The following CDR2L variants were observed in gnomAD, a reference collection of about 807,000 sequenced individuals.
CDR2L encodes the protein cerebellar degeneration-related protein 2-like.
In CDR2L, 19 loss-of-function variants were observed where a neutral mutation model predicts 36.1. The ratio of observed to expected loss-of-function variants is 0.53; its 90% CI spans 0.37 to 0.77. The LOEUF (loss-of-function observed/expected upper bound fraction) is 0.77, where lower values mean the gene tolerates loss of function less well. CDR2L is among the 30% of genes least tolerant of loss of function. The probability of loss-of-function intolerance (pLI) is 0.00; values close to 1 mark genes in which losing one functional copy is unlikely to be tolerated. For missense variants in CDR2L, 575 were observed against 627.2 expected, an observed-to-expected ratio of 0.92 and a Z score of 0.89; for synonymous variants, 285 against 280.4, an observed-to-expected ratio of 1.02 and a Z score of -0.16.
intron 1 of CDR2L, among the ~76,000 whole-genome samples, chr17:74,996,257 A>G (rs573924886): frequency 3.3e-5 from 5 of 152,162 alleles, no homozygotes; most frequent in Non-Finnish European, 7.4e-5. Flanking sequence ...CAGCCTGACC[A>G]ACATGGTGAA....
chr17:75,000,181 T>A (rs978705111), intron 2 of CDR2L, among the ~76,000 whole-genome samples: 6 of 152,022 alleles, frequency 3.9e-5, no homozygotes, highest in African/African-American at 1.2e-4. Context: ...GAGGATGAAG[T>A]GAGAGGATTG....
chr17:75,003,711 G>A lies in CDR2L; in HGVS notation c.1035G>A (p.Val345=). 1 of 1,465,380 alleles carries A rather than the reference G, an allele frequency of 6.8e-7. No individual in the cohort carries two copies. 90.8% of individuals were successfully genotyped at this position (1,465,380 alleles called of 1,614,324 possible). ...ACCTCACACTGCACGCCAACAGCGTGCGCAAGCGGGGCATGTCCATCCTGC... is the reference window on the plus strand; with the variant it reads ...ACCTCACACTGCACGCCAACAGCGTACGCAAGCGGGGCATGTCCATCCTGC... ...AGNLTLHANS[V]RKRGMSILRE... is the part of the protein sequence containing the mutation. Residue 345 remains valine (V), a synonymous_variant, in exon 5 of 5, where the codon GTG becomes GTA. Transcript: ENST00000337231.
At chr17:74,995,327 T>C (rs2144859728) in intron 1 of CDR2L, among the ~76,000 whole-genome samples, 1 of 151,100 alleles carries the variant, frequency 6.6e-6, no homozygotes, top group Non-Finnish European at 1.5e-5. Context: ...CACACCCCAC[T>C]AATGTTCTTA....
At chr17:75,001,749 A>G (rs751532697) in intron 3 of CDR2L, among the ~76,000 whole-genome samples, 2 of 152,210 alleles carry the variant, frequency 1.3e-5, no homozygotes, top group African/African-American at 4.8e-5. Context: ...CTGCCCTCTA[A>G]TACCTCACAG....
At position 75,002,894 on chromosome 17, in the gene CDR2L, C is replaced by T. The variant is rs1268971072; in HGVS notation, c.507-289C>T. On this transcript the variant is annotated intron_variant, in intron 4 of 4. Coordinates refer to ENST00000337231, the MANE Select transcript of CDR2L (RefSeq NM_014603.3). The surrounding 1 kb of genome is among the most constrained non-coding windows in gnomAD (Gnocchi z 4.1). Reference sequence around the variant, plus strand: ...GAGAGCCCAAAGAAGACACACCCCACGGCCTCTGCTCCCCCCTCGGACCTC... The same window carrying T: ...GAGAGCCCAAAGAAGACACACCCCATGGCCTCTGCTCCCCCCTCGGACCTC... 2.0e-5 allele frequency among the ~76,000 whole-genome samples: 3 copies of T among 152,162 alleles called. No individual in the cohort carries two copies. The East Asian group carries it at 5.8e-4, about 29-fold the overall frequency.
intron 1 of CDR2L, 57 bp downstream of exon 1, chr17:74,988,179 G>C (rs1159750524): frequency 7.8e-7 from 1 of 1,282,854 alleles, no homozygotes; most frequent in Non-Finnish European, 1.1e-6. Context: ...ACCCCTGTCC[G>C]CTTCTCCATT....
At position 75,002,262 on chromosome 17, in the gene CDR2L, T is replaced by G. The variant is rs2039872028; in HGVS notation, c.506+34T>G. 6.3e-7 allele frequency: 1 copy of G among 1,579,976 alleles called. No individual in the cohort carries two copies. Among genetic ancestry groups the G allele is most frequent in the Admixed American group, 1.8e-5 (1 of 55,352 alleles). On this transcript the variant is annotated intron_variant, in intron 4 of 4. Coordinates refer to ENST00000337231, the MANE Select transcript of CDR2L (RefSeq NM_014603.3). The surrounding 1 kb of genome is among the most constrained non-coding windows in gnomAD (Gnocchi z 4.1). ...GAGCACTGCTTGGTGTCTCTGGGAT[T>G]GCCAGCCATGGGAGGAAGGAGAGGC...
At chr17:74,998,094 G>A (rs983811273) in intron 1 of CDR2L, among the ~76,000 whole-genome samples, 1 of 152,002 alleles carries the variant, frequency 6.6e-6, no homozygotes, top group African/African-American at 2.4e-5. Context: ...GGTGGCGGGC[G>A]CCTGTAGTCT....
At position 75,003,165 on chromosome 17, in the gene CDR2L, ACT is replaced by A. The variant is rs1457112653; in HGVS notation, c.507-14_507-13del. The A allele has an allele frequency of 1.3e-6, 2 of 1,553,668 alleles. No individual in the cohort carries two copies. Among genetic ancestry groups the A allele is most frequent in the African/African-American group, 2.7e-5 (2 of 72,910 alleles). ...TCTCCTCCGCCCCCACCCCGCTGCG[ACT>A]CTCACTACCCGCCAGGTGCAAGGAT... On this transcript the variant is annotated splice_polypyrimidine_tract_variant and intron_variant, in intron 4 of 4. Transcript: ENST00000337231.
chr17:75,002,178 GC>G lies in CDR2L; in HGVS notation c.457del (p.Arg153ValfsTer54), dbSNP rs1262280325. On this transcript the variant is annotated frameshift_variant, in exon 4 of 5. Coordinates refer to ENST00000337231, the MANE Select transcript of CDR2L (RefSeq NM_014603.3). LOFTEE classifies it high-confidence loss of function. The surrounding 1 kb of genome is among the most constrained non-coding windows in gnomAD (Gnocchi z 4.1). Reference sequence around the variant, plus strand: ...TGCTCCGGGAGAAGCGGGAACGCAGGCGTACCATCCACACCTTCCCCTGCCT... The same window carrying G: ...TGCTCCGGGAGAAGCGGGAACGCAGGGTACCATCCACACCTTCCCCTGCCT... ...RVLREKRERRRTIHTFPCLKE... is the reference protein window; with the variant it reads ...RVLREKRERRXTIHTFPCLKE... The G allele has an allele frequency of 4.4e-6, 7 of 1,609,020 alleles. No homozygotes were observed. The highest frequency in any genetic ancestry group is 5.9e-6 in the Non-Finnish European group (7 of 1,178,068).
Position 74,988,010 on chromosome 17 carries a change from G to T in CDR2L, c.-34G>T. On this transcript the variant is annotated 5_prime_UTR_variant, in exon 1 of 5. Transcript: ENST00000337231. ...GCCGCGCGCACCGGCCCTGAGCTGC[G>T]CCGCCGCAGCACCCGCCCGCCGCCC... 1.4e-6 allele frequency: 2 copies of T among 1,452,280 alleles called. No individual in the cohort carries two copies. Among genetic ancestry groups the T allele is most frequent in the Non-Finnish European group, 1.8e-6 (2 of 1,087,204 alleles). The allele number at this position is 1,452,280 out of a possible 1,614,324, so 90.0% of individuals were successfully genotyped here. A position where few individuals can be genotyped will look rare whatever the true frequency, so the allele number is the denominator to read the frequency against.
chr17:74,991,816 G>T (rs1030549391), intron 1 of CDR2L, among the ~76,000 whole-genome samples: 1 of 152,222 alleles, frequency 6.6e-6, no homozygotes, highest in African/African-American at 2.4e-5. Flanking sequence ...GGCGTGGCAG[G>T]CCCTGTGCGT....
At chr17:74,998,040 G>C (rs2039841634) in intron 1 of CDR2L, among the ~76,000 whole-genome samples, 1 of 151,844 alleles carries the variant, frequency 6.6e-6, no homozygotes, top group African/African-American at 2.4e-5. Context: ...CTAACACGGT[G>C]AAACCCCGTC....
chr17:75,003,544 C>T lies in CDR2L; in HGVS notation c.868C>T (p.Pro290Ser). ...GGCCCCTGAGGCCGACGATCCCCAG[C>T]CCGGCCGCGGGGACGACTTGGGCGC... Reference protein sequence around the residue: ...TQAPEADDPQPGRGDDLGAQD... With the variant: ...TQAPEADDPQSGRGDDLGAQD... Residue 290 changes from proline (P) to serine (S), a missense_variant, in exon 5 of 5, where the codon CCC becomes TCC. Pro to Ser is a moderately conservative substitution (Grantham distance 74). Coordinates refer to ENST00000337231, the MANE Select transcript of CDR2L (RefSeq NM_014603.3). The T allele has an allele frequency of 8.6e-6, 13 of 1,512,370 alleles. No individual in the cohort carries two copies. The highest frequency in any genetic ancestry group is 1.1e-5 in the Non-Finnish European group (12 of 1,128,402). 93.7% of individuals were successfully genotyped at this position (1,512,370 alleles called of 1,614,324 possible).
rs1238750944 is a variant in CDR2L at position 74,987,786 on chromosome 17, C to T, written c.-258C>T. 1.9e-5 allele frequency: 4 copies of T among 211,496 alleles called. No homozygotes were observed. The highest frequency in any genetic ancestry group is 3.7e-5 in the Non-Finnish European group (4 of 107,488). 13.1% of individuals were successfully genotyped at this position (211,496 alleles called of 1,614,324 possible). On this transcript the variant is annotated 5_prime_UTR_variant, in exon 1 of 5. Transcript: ENST00000337231. ...TCCTTGCCACTGTCCCACCCGCCGT[C>T]CCTGCCACTCCACCCTTTGTGTCGC... is the stretch of plus-strand genomic sequence containing the variant.
rs2039773948 is a variant in CDR2L, at chr17:74,988,022, C to CCCGCCCG, written c.-13_-7dup. 1 of 1,501,176 alleles carries CCCGCCCG rather than the reference C, an allele frequency of 6.7e-7. No homozygotes were observed. Among genetic ancestry groups the CCCGCCCG allele is most frequent in the African/African-American group, 1.5e-5 (1 of 68,600 alleles). The allele number at this position is 1,501,176 out of a possible 1,614,324, so 93.0% of individuals were successfully genotyped here. On this transcript the variant is annotated 5_prime_UTR_variant, in exon 1 of 5. Coordinates refer to ENST00000337231, the MANE Select transcript of CDR2L (RefSeq NM_014603.3). Reference sequence around the variant, plus strand: ...GGCCCTGAGCTGCGCCGCCGCAGCACCCGCCCGCCGCCCGCGGGGCCATGC... The same window carrying CCCGCCCG: ...GGCCCTGAGCTGCGCCGCCGCAGCACCCGCCCGCCGCCCGCCGCCCGCGGGGCCATGC...
At chr17:74,993,456 G>T (rs1459851615) in intron 1 of CDR2L, among the ~76,000 whole-genome samples, 1 of 152,014 alleles carries the variant, frequency 6.6e-6, no homozygotes, top group South Asian at 2.1e-4. Context: ...TAATTTTTTT[G>T]TAGAGACAGG....
intron 2 of CDR2L, among the ~76,000 whole-genome samples, chr17:75,001,060 C>A (rs1425192316): frequency 6.6e-6 from 1 of 151,618 alleles, no homozygotes; most frequent in South Asian, 2.1e-4. Flanking sequence ...ATAGTGAAAC[C>A]CTGTCTCTAC....
At chr17:74,999,020 C>A (rs2039847210) in intron 1 of CDR2L, among the ~76,000 whole-genome samples, 2 of 152,164 alleles carry the variant, frequency 1.3e-5, no homozygotes, top group Admixed American at 6.5e-5. Context: ...CAGCATGCCT[C>A]AAGGTAGATG....
Sources: gnomAD v4.1 joint callset for allele counts (sites outside exome capture counted in the v4.1 genomes callset) on GRCh38, gnomAD v4.1.1 for gene constraint, Gnocchi (gnomAD v3.1) non-coding constraint, MANE v1.5 for transcripts, NCBI Gene and HGNC (gene_info 2026-07-23, HGNC 2026-07-21) for gene names.